WWOX: variants seen among roughly 807,000 people sequenced by gnomAD.
WWOX encodes the protein WW domain-containing oxidoreductase.
Under a neutral mutation model 46.2 loss-of-function variants are expected in WWOX, and 69 were observed. The observed-to-expected ratio is 1.49, with a 90% CI of 1.23 to 1.82. The LOEUF (loss-of-function observed/expected upper bound fraction) is 1.82, where lower values mean the gene tolerates loss of function less well. Among genes scored for constraint, WWOX ranks in the 40% most tolerant of loss-of-function variants. The probability of loss-of-function intolerance (pLI) is 0.00; values close to 1 mark genes in which losing one functional copy is unlikely to be tolerated. For synonymous variants in WWOX, 359 were observed against 202.6 expected (o/e 1.77, Z -6.56); for missense variants, 919 against 542.6 (o/e 1.69, Z -6.89).
intron 8 of WWOX, among the ~76,000 whole-genome samples, chr16:79,070,280 G>A (rs954985273): frequency 6.6e-6 from 1 of 150,406 alleles, no homozygotes; most frequent in African/African-American, 2.5e-5. Context: ...GTGTGTGTGT[G>A]TGTGTGTGTG....
At chr16:78,842,730 T>C (rs2052191313) in intron 8 of WWOX, among the ~76,000 whole-genome samples, 1 of 152,096 alleles carries the variant, frequency 6.6e-6, no homozygotes, top group African/African-American at 2.4e-5. Flanking sequence ...CTCACACCTG[T>C]AGCCGCAGCT....
At chr16:78,782,532 A>C (rs555928271) in intron 8 of WWOX, among the ~76,000 whole-genome samples, 4 of 152,308 alleles carry the variant, frequency 2.6e-5, no homozygotes, top group Non-Finnish European at 5.9e-5. Context: ...TGAATTCAAG[A>C]GTGATGGACC....
intron 8 of WWOX, among the ~76,000 whole-genome samples, chr16:79,107,370 G>A (rs1597382113): frequency 1.3e-5 from 2 of 152,114 alleles, no homozygotes; most frequent in East Asian, 3.9e-4. Flanking sequence ...TGACAGGCAC[G>A]AGTCACCGCG....
At chr16:78,995,344 A>T (rs541315115) in intron 8 of WWOX, among the ~76,000 whole-genome samples, 6 of 152,210 alleles carry the variant, frequency 3.9e-5, no homozygotes, top group Admixed American at 3.3e-4. Flanking sequence ...CCTACAGGTC[A>T]TCCCTGAGAA....
chr16:78,708,289 T>C (rs527833459), intron 8 of WWOX, among the ~76,000 whole-genome samples: 1 of 152,330 alleles, frequency 6.6e-6, no homozygotes, highest in African/African-American at 2.4e-5. Context: ...ATTTGGAGCA[T>C]ATACTCTAAA....
chr16:78,203,920 AGT>A (rs2036311398), intron 5 of WWOX, among the ~76,000 whole-genome samples: 1 of 152,188 alleles, frequency 6.6e-6, no homozygotes, highest in Admixed American at 6.5e-5. Flanking sequence ...GCTAACAGTG[AGT>A]GTGGAAGCTT....
At chr16:78,104,193 G>C (rs12931172) in intron 1 of WWOX, among the ~76,000 whole-genome samples, 47,243 of 149,662 alleles carry the variant, frequency 0.32, 7,388 homozygotes, top group African/African-American at 0.34. Context: ...TCCTCACCGT[G>C]AAGTCTAGAT....
chr16:79,098,775 A>T (rs2049130153), intron 8 of WWOX, among the ~76,000 whole-genome samples: 1 of 152,190 alleles, frequency 6.6e-6, no homozygotes, highest in Non-Finnish European at 1.5e-5. Flanking sequence ...AATGCATAGA[A>T]ATGGTCTTCA....
chr16:78,110,129 C>T (rs904469074), intron 3 of WWOX, among the ~76,000 whole-genome samples: 1 of 151,684 alleles, frequency 6.6e-6, no homozygotes, highest in Non-Finnish European at 1.5e-5. Context: ...ATCCTGAGGT[C>T]AAGAGATCGA....
intron 8 of WWOX, among the ~76,000 whole-genome samples, chr16:78,486,433 T>C (rs1236751970): frequency 2.0e-5 from 3 of 152,220 alleles, no homozygotes; most frequent in African/African-American, 7.2e-5. Flanking sequence ...ATTTATCTAC[T>C]TTAATACTTA....
At chr16:79,160,783 A>T (rs34999162) in intron 8 of WWOX, among the ~76,000 whole-genome samples, 13,834 of 152,114 alleles carry the variant, frequency 0.091, 768 homozygotes, top group African/African-American at 0.1. Context: ...GTGCATTCAT[A>T]TGTCTGTGTG....
chr16:78,233,734 A>C (rs998696349), intron 5 of WWOX, among the ~76,000 whole-genome samples: 5 of 152,046 alleles, frequency 3.3e-5, no homozygotes, highest in Admixed American at 6.5e-5. Context: ...TCACCGTGTT[A>C]GCCAGGATGG....
At chr16:78,966,240 G>T (rs987127151) in intron 8 of WWOX, among the ~76,000 whole-genome samples, 20 of 152,166 alleles carry the variant, frequency 1.3e-4, no homozygotes, top group Admixed American at 6.5e-5. Context: ...GGTTTAAGAG[G>T]CTATAGGTTA....
chr16:78,779,508 G>A (rs1470447991), intron 8 of WWOX, among the ~76,000 whole-genome samples: 1 of 152,160 alleles, frequency 6.6e-6, no homozygotes, highest in East Asian at 1.9e-4. Flanking sequence ...GAGGATTGCT[G>A]ACATTATTAG....
At chr16:78,187,348 T>C (rs1281004170) in intron 5 of WWOX, among the ~76,000 whole-genome samples, 3 of 152,174 alleles carry the variant, frequency 2.0e-5, no homozygotes, top group African/African-American at 4.8e-5. Flanking sequence ...CGGTGGCTCA[T>C]GTCTGTAATC....
intron 8 of WWOX, among the ~76,000 whole-genome samples, chr16:78,939,934 C>T (rs138751346): frequency 2.0e-5 from 3 of 152,366 alleles, no homozygotes; most frequent in African/African-American, 7.2e-5. Flanking sequence ...CCCAATTCGA[C>T]TGCCCCCACC....
chr16:78,638,682 T>C (rs537896282), intron 8 of WWOX, among the ~76,000 whole-genome samples: 1 of 152,260 alleles, frequency 6.6e-6, no homozygotes, highest in East Asian at 1.9e-4. Context: ...AGAGGAGAGA[T>C]AGAGCACTTC....
intron 8 of WWOX, among the ~76,000 whole-genome samples, chr16:78,585,888 G>A (rs949491308): frequency 2.0e-5 from 3 of 151,762 alleles, no homozygotes; most frequent in Non-Finnish European, 2.9e-5. Flanking sequence ...TCCAAGCTGC[G>A]CATCTTCCTT....
chr16:78,140,737 C>T (rs1430764494), intron 4 of WWOX, among the ~76,000 whole-genome samples: 5 of 152,162 alleles, frequency 3.3e-5, no homozygotes, highest in East Asian at 3.9e-4. Flanking sequence ...CAGTTTAACT[C>T]GATGACCTCT....
Sources: allele counts gnomAD v4.1 joint callset (sites outside exome capture counted in the v4.1 genomes callset), GRCh38; gene constraint gnomAD v4.1.1; transcripts MANE v1.5; gene names NCBI Gene and HGNC (gene_info 2026-07-23, HGNC 2026-07-21).